Variants in ST8SIA4 observed in about 807,000 individuals in gnomAD.
The protein encoded by ST8SIA4 is CMP-N-acetylneuraminate-poly-alpha-2,8-sialyltransferase.
ST8SIA4 carries 15 observed loss-of-function variants against 33.9 expected under a neutral mutation model. The observed-to-expected ratio is 0.44, with a 90% CI of 0.30 to 0.68. The LOEUF is 0.68. ST8SIA4 is among the 30% of genes least tolerant of loss of function. ST8SIA4 has a pLI of 0.10. For synonymous variants in ST8SIA4, 171 were observed against 151.2 expected, an observed-to-expected ratio of 1.13 and a Z score of -0.96; for missense variants, 321 against 428.0, an observed-to-expected ratio of 0.75 and a Z score of 2.21.
At chr5:100,887,893 T>C (rs928094212) in intron 2 of ST8SIA4, among the ~76,000 whole-genome samples, 20 of 152,056 alleles carry the variant, frequency 1.3e-4, no homozygotes, top group Non-Finnish European at 2.6e-4. Context: ...GCCTGTAATC[T>C]AAACTGTGTG....
chr5:100,866,077 GA>G (rs1409837982), intron 3 of ST8SIA4, among the ~76,000 whole-genome samples: 1 of 152,110 alleles, frequency 6.6e-6, no homozygotes, highest in African/African-American at 2.4e-5. Flanking sequence ...AGTGCCTTCA[GA>G]ATTAAGAACC....
intron 2 of ST8SIA4, among the ~76,000 whole-genome samples, chr5:100,889,212 A>G (rs1470315076): frequency 6.6e-6 from 1 of 151,958 alleles, no homozygotes; most frequent in Non-Finnish European, 1.5e-5. Context: ...TTTATTGAGT[A>G]CCACTTATTT....
intron 4 of ST8SIA4, among the ~76,000 whole-genome samples, chr5:100,830,842 C>A (rs1038673227): frequency 1.3e-5 from 2 of 152,116 alleles, no homozygotes; most frequent in African/African-American, 4.8e-5. Flanking sequence ...AGGATACAAG[C>A]AAATAATTTC....
At chr5:100,886,095 C>A in intron 3 of ST8SIA4, 2 of 1,268,400 alleles carry the variant, frequency 1.6e-6, no homozygotes, top group Non-Finnish European at 2.0e-6. Flanking sequence ...TGCCTCCCCC[C>A]TCACCTCACC....
chr5:100,881,342 T>A (rs1243015311), intron 3 of ST8SIA4, among the ~76,000 whole-genome samples: 1 of 152,214 alleles, frequency 6.6e-6, no homozygotes, highest in Non-Finnish European at 1.5e-5. Flanking sequence ...ATATAATAAC[T>A]CTCATTTTAG....
At position 100,811,300 on chromosome 5, in the gene ST8SIA4, C is replaced by A. The variant is rs992641113; in HGVS notation, c.*547G>T. 1 of 148,870 alleles carries A rather than the reference C, an allele frequency of 6.7e-6. No individual in the cohort carries two copies. Among genetic ancestry groups the A allele is most frequent in the South Asian group, 2.2e-4 (1 of 4,576 alleles). 9.2% of individuals were successfully genotyped at this position (148,870 alleles called of 1,614,324 possible). A position where few individuals can be genotyped will look rare whatever the true frequency, so the allele number is the denominator to read the frequency against. ...TTTCTAAGCATCCCAATATCCAAACCAAAAGAGATTCCAGAAGACAAAAAA... is the reference window on the plus strand; with the variant it reads ...TTTCTAAGCATCCCAATATCCAAACAAAAAGAGATTCCAGAAGACAAAAAA... On this transcript the variant is annotated 3_prime_UTR_variant, in exon 5 of 5. Transcript: ENST00000231461.
intron 4 of ST8SIA4, chr5:100,849,243 C>G: frequency 1.0e-6 from 1 of 985,060 alleles, no homozygotes; most frequent in Non-Finnish European, 1.2e-6. Flanking sequence ...CCAAAGGAAT[C>G]TATACGATTA....
At chr5:100,885,523 C>T in intron 3 of ST8SIA4, 1 of 934,514 alleles carries the variant, frequency 1.1e-6, no homozygotes, top group African/African-American at 1.8e-5. Flanking sequence ...CATGTCAACT[C>T]AGCATACTTT....
intron 3 of ST8SIA4, among the ~76,000 whole-genome samples, chr5:100,863,543 T>C (rs1751993701): frequency 6.6e-6 from 1 of 152,184 alleles, no homozygotes; most frequent in Non-Finnish European, 1.5e-5. Context: ...TATTGAAATG[T>C]GTAAATTTTT....
intron 1 of ST8SIA4, among the ~76,000 whole-genome samples, chr5:100,901,843 C>T (rs1482278241): frequency 6.6e-6 from 1 of 152,054 alleles, no homozygotes; most frequent in Non-Finnish European, 1.5e-5. Context: ...GTTAGCAGTC[C>T]CATCTCTCTC....
intron 4 of ST8SIA4, among the ~76,000 whole-genome samples, chr5:100,827,350 C>T (rs941328294): frequency 1.3e-5 from 2 of 152,150 alleles, no homozygotes; most frequent in African/African-American, 4.8e-5. Context: ...CTCTGTATGG[C>T]TTACAAATGT....
chr5:100,877,528 G>C (rs542399107), intron 3 of ST8SIA4, among the ~76,000 whole-genome samples: 1 of 152,116 alleles, frequency 6.6e-6, no homozygotes, highest in South Asian at 2.1e-4. Context: ...TATGACAATA[G>C]GTCATTGAAG....
chr5:100,869,580 C>T (rs1429445709), intron 3 of ST8SIA4, among the ~76,000 whole-genome samples: 1 of 152,070 alleles, frequency 6.6e-6, no homozygotes, highest in East Asian at 1.9e-4. Context: ...TATGGTCTTT[C>T]CAAGTGTGAA....
At chr5:100,827,152 T>G (rs1751165520) in intron 4 of ST8SIA4, among the ~76,000 whole-genome samples, 1 of 152,174 alleles carries the variant, frequency 6.6e-6, no homozygotes, top group African/African-American at 2.4e-5. Flanking sequence ...AGTTTTGAAG[T>G]TCTATTATAA....
intron 3 of ST8SIA4, among the ~76,000 whole-genome samples, chr5:100,876,023 C>T (rs1463771500): frequency 6.6e-6 from 1 of 152,008 alleles, no homozygotes; most frequent in East Asian, 1.9e-4. Context: ...CATTAGTCAA[C>T]TGAATATTTG....
At chr5:100,900,188 GA>G (rs1752870730) in intron 1 of ST8SIA4, 1 of 334,444 alleles carries the variant, frequency 3.0e-6, no homozygotes, top group Non-Finnish European at 6.0e-6. Context: ...ATTGGTAGCA[GA>G]AAAGCTAAAT....
At chr5:100,852,410 C>G (rs909491231) in intron 4 of ST8SIA4, among the ~76,000 whole-genome samples, 1 of 151,080 alleles carries the variant, frequency 6.6e-6, no homozygotes, top group African/African-American at 2.4e-5. Flanking sequence ...GCATGAGCCA[C>G]TGCACTGGGC....
intron 4 of ST8SIA4, among the ~76,000 whole-genome samples, chr5:100,821,326 T>C (rs933194684): frequency 6.6e-6 from 1 of 152,148 alleles, no homozygotes; most frequent in African/African-American, 2.4e-5. Flanking sequence ...GGGAAGACGA[T>C]AATGATCTAG....
intron 4 of ST8SIA4, 66 bp from the exon 5 acceptor site, chr5:100,812,195 C>T (rs1404353485): frequency 8.6e-6 from 12 of 1,389,360 alleles, no homozygotes; most frequent in Non-Finnish European, 1.2e-5. Flanking sequence ...TATCCTATAG[C>T]AAGTATATAA....
Sources: gnomAD v4.1 joint callset for allele counts (sites outside exome capture counted in the v4.1 genomes callset) on GRCh38, gnomAD v4.1.1 for gene constraint, MANE v1.5 for transcripts, NCBI Gene and HGNC (gene_info 2026-07-23, HGNC 2026-07-21) for gene names.